The following DCUN1D2 variants were observed in gnomAD, a reference collection of about 807,000 sequenced individuals.
DCUN1D2 encodes DCN1-like protein 2.
A neutral mutation model predicts 30.9 loss-of-function variants in DCUN1D2; 29 were observed. That is an observed-to-expected ratio of 0.94 (90% CI 0.70 to 1.28). The LOEUF (loss-of-function observed/expected upper bound fraction) is 1.28. DCUN1D2 is among the 50% of genes most tolerant of loss of function. The pLI, the probability that DCUN1D2 is intolerant of heterozygous loss-of-function variation, is 0.00. For missense variants in DCUN1D2, 325 were observed against 316.9 expected (o/e 1.03, Z -0.19); for synonymous variants, 121 against 115.3 (o/e 1.05, Z -0.32).
intron 4 of DCUN1D2, among the ~76,000 whole-genome samples, chr13:113,467,916 T>C (rs950468449): frequency 2.0e-5 from 3 of 151,798 alleles, no homozygotes; most frequent in African/African-American, 4.8e-5. Flanking sequence ...TGGTGGTGTA[T>C]GCCTGTAATC....
intron 1 of DCUN1D2, among the ~76,000 whole-genome samples, chr13:113,487,280 A>G (rs915636517): frequency 2.0e-5 from 3 of 152,364 alleles, no homozygotes; most frequent in Admixed American, 1.3e-4. Flanking sequence ...AGGAACAGCC[A>G]TGACGCCCTT....
chr13:113,477,575 C>T (rs889210779), intron 3 of DCUN1D2, among the ~76,000 whole-genome samples: 1 of 152,104 alleles, frequency 6.6e-6, no homozygotes, highest in African/African-American at 2.4e-5. Flanking sequence ...TAGAAACAGT[C>T]ATTTGGGTTT....
intron 4 of DCUN1D2, among the ~76,000 whole-genome samples, chr13:113,472,497 A>C (rs892107121): frequency 1.3e-5 from 2 of 152,144 alleles, no homozygotes; most frequent in Non-Finnish European, 2.9e-5. Flanking sequence ...CACCAACACC[A>C]GAGTACACCA....
chr13:113,459,167 A>T, intron 6 of DCUN1D2, 145 bp downstream of exon 6: 8 of 549,020 alleles, frequency 1.5e-5, no homozygotes, highest in African/African-American at 3.8e-5. Context: ...TTTCTTTTGT[A>T]TGATTTACAG....
chr13:113,461,165 T>A, intron 4 of DCUN1D2, 29 bp from the exon 5 acceptor site: 1 of 1,407,226 alleles, frequency 7.1e-7, no homozygotes, highest in Non-Finnish European at 1.0e-6. Context: ...GAGCAGTTAG[T>A]AAATCTCACT....
rs530270264 is a variant in DCUN1D2, at chr13:113,483,977, T to C, written c.83A>G (p.Tyr28Cys). ...CTQAGERTAI[Y>C]CLTQNEWRLD... ...TCTCCACTCATTCTGCGTTAAGCAG[T>C]AGATAGCAGTTCTCTCGCCAGCCTG... The change falls in exon 2 of 7, where the codon TAC becomes TGC. Residue 28 changes from tyrosine (Y) to cysteine (C), a missense_variant. Physicochemically the swap from Tyr to Cys is radical, Grantham distance 194. Transcript: ENST00000478244. 2 of 1,614,220 alleles carry C rather than the reference T, an allele frequency of 1.2e-6. No individual in the cohort carries two copies. Among genetic ancestry groups the C allele is most frequent in the South Asian group, 1.1e-5 (1 of 91,086 alleles).
rs116458113 is a variant in DCUN1D2, at chr13:113,487,977, G to A, written c.3+2690C>T. ...TATACAACTGATGACTCCACACCAGGAATGTGCAAATCTGGAAGATATGAT... is the reference window on the plus strand; with the variant it reads ...TATACAACTGATGACTCCACACCAGAAATGTGCAAATCTGGAAGATATGAT... On this transcript the variant is annotated intron_variant, in intron 1 of 6. Transcript: ENST00000478244. 3.3e-3 allele frequency among the ~76,000 whole-genome samples: 495 copies of A among 152,282 alleles called. 3 individuals are homozygous for A. Among genetic ancestry groups the A allele is most frequent in the African/African-American group, 0.011 (469 of 41,564 alleles).
At chr13:113,461,482 A>T (rs533036091) in intron 4 of DCUN1D2, among the ~76,000 whole-genome samples, 2 of 152,314 alleles carry the variant, frequency 1.3e-5, no homozygotes, top group Admixed American at 1.3e-4. Context: ...ATTTGTTTTT[A>T]AAAATAGGCC....
chr13:113,471,950 A>T (rs2044523665), intron 4 of DCUN1D2, among the ~76,000 whole-genome samples: 1 of 152,304 alleles, frequency 6.6e-6, no homozygotes, highest in Middle Eastern at 3.4e-3. Context: ...CCACAACGAC[A>T]GGGGAGGCCT....
intron 4 of DCUN1D2, among the ~76,000 whole-genome samples, chr13:113,472,253 G>A (rs1425659937): frequency 1.3e-5 from 2 of 151,988 alleles, no homozygotes; most frequent in East Asian, 3.9e-4. Flanking sequence ...ATAATCTGTA[G>A]TCCTGACTGT....
chr13:113,459,193 G>A (rs568866273), intron 6 of DCUN1D2, 119 bp downstream of exon 6: 2 of 617,290 alleles, frequency 3.2e-6, no homozygotes, highest in Non-Finnish European at 6.0e-6. Flanking sequence ...AATAAGGAAG[G>A]GGGTAGTATT....
At chr13:113,491,497 CCTCCCTCCCTGGGGCTCCCCTCCTCTCT>C (rs2045044996), upstream of DCUN1D2, among the ~76,000 whole-genome samples, 2 of 151,224 alleles carry the variant, frequency 1.3e-5, no homozygotes, top group African/African-American at 2.4e-5. Context: ...TCCTTCCTTC[CCTCCCTCCCTGGGGCTCCCCTCCTCTCT>C]CTCCCTCCCT....
At chr13:113,471,580 C>G (rs528818352) in intron 4 of DCUN1D2, among the ~76,000 whole-genome samples, 2 of 152,342 alleles carry the variant, frequency 1.3e-5, no homozygotes, top group South Asian at 2.1e-4. Context: ...GGACGACCCA[C>G]AACACCCAGA....
At chr13:113,458,854 G>C (rs968636609) in intron 6 of DCUN1D2, among the ~76,000 whole-genome samples, 1 of 152,210 alleles carries the variant, frequency 6.6e-6, no homozygotes. Context: ...AGGTGGCAGC[G>C]TGCCCAGCAC....
At chr13:113,466,107 G>A (rs377437654) in intron 4 of DCUN1D2, among the ~76,000 whole-genome samples, 3 of 151,986 alleles carry the variant, frequency 2.0e-5, no homozygotes, top group Non-Finnish European at 2.9e-5. Flanking sequence ...AGCTGTTTTC[G>A]AACTCCTGAC....
chr13:113,461,272 C>CCTG, intron 4 of DCUN1D2, 136 bp from the exon 5 acceptor site: 1 of 614,250 alleles, frequency 1.6e-6, no homozygotes. Flanking sequence ...GAGGCTTAAT[C>CCTG]TCTACGGAAG....
intron 2 of DCUN1D2, 47 bp downstream of exon 2, chr13:113,483,793 C>T: frequency 6.3e-7 from 1 of 1,587,580 alleles, no homozygotes; most frequent in South Asian, 1.1e-5. Flanking sequence ...GCGCAGGCCG[C>T]TCGCGGAGGC....
chr13:113,463,511 G>A (rs2044351282), intron 4 of DCUN1D2, among the ~76,000 whole-genome samples: 1 of 151,064 alleles, frequency 6.6e-6, no homozygotes, highest in South Asian at 2.1e-4. Flanking sequence ...GGGCAACAGA[G>A]CAAGACCCTC....
In DCUN1D2 at chr13:113,489,054, G is replaced by T. The variant is rs1353866571; in HGVS notation, c.3+1613C>A. On this transcript the variant is annotated intron_variant, in intron 1 of 6. Coordinates refer to ENST00000478244, the MANE Select transcript of DCUN1D2 (RefSeq NM_001014283.2). ...AGGATACCCATATGTAAAATGGAAA[G>T]AAATTACTCTTAAAATGTCCTTAGG... The T allele has an allele frequency of 4.3e-6, 4 of 938,566 alleles. No homozygotes were observed. The South Asian group carries it at 2.0e-4, about 46-fold the overall frequency. 58.1% of individuals were successfully genotyped at this position (938,566 alleles called of 1,614,324 possible).
Sources: gnomAD v4.1 joint callset for allele counts (sites outside exome capture counted in the v4.1 genomes callset) on GRCh38, gnomAD v4.1.1 for gene constraint, MANE v1.5 for transcripts, NCBI Gene and HGNC (gene_info 2026-07-23, HGNC 2026-07-21) for gene names.